COL19A1: variants seen among roughly 807,000 people sequenced by gnomAD.
COL19A1 encodes collagen type XIX alpha 1 chain, also known as collagen alpha-1(XIX) chain.
A neutral mutation model predicts 190.2 loss-of-function variants in COL19A1; 159 were observed. The ratio of observed to expected loss-of-function variants is 0.84; its 90% confidence interval spans 0.73 to 0.95. COL19A1 has a LOEUF of 0.95. Ranked by LOEUF, COL19A1 falls within the 40% of genes least tolerant of loss-of-function variation. The pLI, the probability that COL19A1 is intolerant of heterozygous loss-of-function variation, is 0.00. For synonymous variants in COL19A1, 509 were observed against 458.9 expected, an observed-to-expected ratio of 1.11 and a Z score of -1.39; for missense variants, 1,418 against 1,431.9, an observed-to-expected ratio of 0.99 and a Z score of 0.16.
chr6:69,875,534 G>T (rs1561953458), intron 1 of COL19A1, among the ~76,000 whole-genome samples: 1 of 152,204 alleles, frequency 6.6e-6, no homozygotes, highest in Non-Finnish European at 1.5e-5. Flanking sequence ...GATAGTGGCA[G>T]AGAAATAAGA....
chr6:70,053,707 A>G (rs977386458), intron 14 of COL19A1, among the ~76,000 whole-genome samples: 2 of 152,340 alleles, frequency 1.3e-5, no homozygotes, highest in African/African-American at 4.8e-5. Context: ...GTATTTAGAT[A>G]TCATATTTCT....
intron 15 of COL19A1, chr6:70,098,581 A>C (rs1582905593): frequency 2.3e-6 from 1 of 426,844 alleles, no homozygotes; most frequent in East Asian, 5.8e-5. Flanking sequence ...CACATTTGCC[A>C]CAGGATGACT....
Position 70,146,821 on chromosome 6 carries a change from G to A in COL19A1, c.1825G>A (p.Gly609Arg), listed in dbSNP as rs1182922212. ...GCCTTTCATTTCACAGGGTGAAAGA[G>A]GACTTCCAGGTGTTCACGGTTCCCC... Reference protein sequence around the residue: ...PGPRGPKGERGLPGVHGSPGD... With the variant: ...PGPRGPKGERRLPGVHGSPGD... Residue 609 changes from glycine to arginine, a missense_variant, in exon 27 of 51, where the codon GGA (glycine) becomes AGA (arginine). Coordinates refer to ENST00000620364, the MANE Select transcript of COL19A1 (RefSeq NM_001858.6). The A allele has an allele frequency of 6.3e-7, 1 of 1,596,892 alleles. No homozygotes were observed. The highest frequency in any genetic ancestry group is 8.5e-7 in the Non-Finnish European group (1 of 1,173,158).
intron 15 of COL19A1, among the ~76,000 whole-genome samples, chr6:70,090,324 T>G (rs144702234): frequency 4.6e-5 from 7 of 152,210 alleles, no homozygotes; most frequent in Non-Finnish European, 8.8e-5. Context: ...TTACTGAACA[T>G]GTACAGACAT....
At chr6:70,155,444 TTA>T (rs1349794893) in intron 31 of COL19A1, among the ~76,000 whole-genome samples, 6 of 152,076 alleles carry the variant, frequency 3.9e-5, no homozygotes, top group Non-Finnish European at 8.8e-5. Flanking sequence ...GTGATGAGAG[TTA>T]TGTTTATCTT....
chr6:70,022,434 G>T (rs1778466055), intron 11 of COL19A1, among the ~76,000 whole-genome samples: 1 of 152,078 alleles, frequency 6.6e-6, no homozygotes. Flanking sequence ...TTATTACTTT[G>T]ATTTGTTTTC....
intron 17 of COL19A1, among the ~76,000 whole-genome samples, chr6:70,125,366 A>G (rs1420660999): frequency 6.6e-6 from 1 of 152,182 alleles, no homozygotes; most frequent in Non-Finnish European, 1.5e-5. Flanking sequence ...TACCCATGGG[A>G]GAATGAGTAA....
chr6:69,989,553 C>CCTTTTTTTTT (rs1776501572), intron 11 of COL19A1, among the ~76,000 whole-genome samples: 1 of 126,320 alleles, frequency 7.9e-6, no homozygotes, highest in Non-Finnish European at 1.6e-5. Context: ...GAGTTTTTTA[C>CCTTTTTTTTT]TTTTTTTTTT....
chr6:70,150,029 G>A lies in COL19A1; in HGVS notation c.2021G>A (p.Gly674Asp). Residue 674 changes from glycine to aspartate, a missense_variant, in exon 30 of 51, where the codon GGC (glycine) becomes GAC (aspartate). Coordinates refer to ENST00000620364, the MANE Select transcript of COL19A1 (RefSeq NM_001858.6). ...PGRDGKPGLP[G>D]PPGDPIALPL... ...AGAGATGGAAAGCCAGGCCTGCCAG[G>A]CCCCCCAGGTGACCCGGTATGTAGA... 1 of 1,613,668 alleles carries A rather than the reference G, an allele frequency of 6.2e-7. No individual in the cohort carries two copies. The highest frequency in any genetic ancestry group is 8.5e-7 in the Non-Finnish European group (1 of 1,179,788).
chr6:70,043,200 T>G (rs963840679), intron 14 of COL19A1, among the ~76,000 whole-genome samples: 6 of 151,988 alleles, frequency 3.9e-5, no homozygotes, highest in African/African-American at 1.4e-4. Context: ...CTTCTTTTTT[T>G]TTTTTTTTTG....
At chr6:70,104,410 A>G (rs1304996080) in intron 16 of COL19A1, among the ~76,000 whole-genome samples, 1 of 150,792 alleles carries the variant, frequency 6.6e-6, no homozygotes. Context: ...TGAAGCGGGA[A>G]GTGCACTTTT....
At chr6:69,966,213 C>T (rs1191572337) in intron 11 of COL19A1, among the ~76,000 whole-genome samples, 4 of 145,466 alleles carry the variant, frequency 2.7e-5, no homozygotes, top group Admixed American at 1.3e-4. Context: ...TCTGCCCGGC[C>T]GCCCCGTCTG....
At chr6:69,886,599 G>A (rs138302761) in intron 2 of COL19A1, among the ~76,000 whole-genome samples, 248 of 150,460 alleles carry the variant, frequency 1.6e-3, no homozygotes, top group Middle Eastern at 0.01. Context: ...ATGGATGGAT[G>A]AATGGAAAAA....
chr6:70,125,254 T>C (rs1785125072), intron 17 of COL19A1, among the ~76,000 whole-genome samples: 1 of 152,232 alleles, frequency 6.6e-6, no homozygotes, highest in Non-Finnish European at 1.5e-5. Flanking sequence ...CCCTTTTAAA[T>C]TGGCATTGAT....
At chr6:70,156,600 G>A in intron 33 of COL19A1, 70 bp from the exon 34 acceptor site, 3 of 1,523,630 alleles carry the variant, frequency 2.0e-6, no homozygotes, top group Admixed American at 3.5e-5. Context: ...GTTCTTAGAA[G>A]AGATTTTTTT....
intron 1 of COL19A1, among the ~76,000 whole-genome samples, chr6:69,872,850 A>G (rs1250643508): frequency 1.3e-5 from 2 of 152,226 alleles, no homozygotes; most frequent in Non-Finnish European, 2.9e-5. Context: ...GCTTTGTAGC[A>G]CTGGGGAACT....
At chr6:70,036,311 A>G (rs567213397) in intron 14 of COL19A1, among the ~76,000 whole-genome samples, 24 of 152,330 alleles carry the variant, frequency 1.6e-4, no homozygotes, top group Admixed American at 3.9e-4. Flanking sequence ...AAAGGACAAA[A>G]CAAACTCTAA....
chr6:70,146,665 G>C lies in COL19A1; in HGVS notation c.1777G>C (p.Asp593His). The C allele has an allele frequency of 6.2e-7, 1 of 1,606,408 alleles. No individual in the cohort carries two copies. Among genetic ancestry groups the C allele is most frequent in the Non-Finnish European group, 8.5e-7 (1 of 1,176,528 alleles). Residue 593 changes from aspartate to histidine, a missense_variant, in exon 26 of 51, where the codon GAT (aspartate) becomes CAT (histidine). By Grantham distance (81) the Asp-to-His change is moderately conservative. Transcript: ENST00000620364. ...GKSLPGEPGL[D>H]GNPGAPGPRG... Reference sequence around the variant, plus strand: ...CATACTTTTTTTCTTTTAGGGATTAGATGGAAATCCTGGAGCACCTGGTCC... The same window carrying C: ...CATACTTTTTTTCTTTTAGGGATTACATGGAAATCCTGGAGCACCTGGTCC...
intron 2 of COL19A1, among the ~76,000 whole-genome samples, chr6:69,881,951 AG>A (rs1299052087): frequency 1.3e-5 from 2 of 152,216 alleles, no homozygotes; most frequent in Non-Finnish European, 2.9e-5. Flanking sequence ...TCACAGCGCA[AG>A]GTTCCCTTTT....
Sources: gnomAD v4.1 joint callset for allele counts (sites outside exome capture counted in the v4.1 genomes callset) on GRCh38, gnomAD v4.1.1 for gene constraint, MANE v1.5 for transcripts, NCBI Gene and HGNC (gene_info 2026-07-23, HGNC 2026-07-21) for gene names.